SOX30: variants seen among roughly 807,000 people sequenced by gnomAD.
SOX30 encodes the protein transcription factor SOX-30.
SOX30 carries 17 observed loss-of-function variants against 58.6 expected under a neutral mutation model. That is an observed-to-expected ratio of 0.29 (90% confidence interval 0.20 to 0.44). The LOEUF (loss-of-function observed/expected upper bound fraction) is 0.44. Among genes scored for constraint, SOX30 ranks in the 20% least tolerant of loss-of-function variants. SOX30 has a pLI of 1.00. For synonymous variants in SOX30, 421 were observed against 400.2 expected, an observed-to-expected ratio of 1.05 and a Z score of -0.62; for missense variants, 951 against 965.8, an observed-to-expected ratio of 0.98 and a Z score of 0.20.
At chr5:157,649,523 C>A (rs1041124694) in intron 1 of SOX30, among the ~76,000 whole-genome samples, 1 of 152,188 alleles carries the variant, frequency 6.6e-6, no homozygotes, top group African/African-American at 2.4e-5. Context: ...GGTACGGTGG[C>A]TCACGCCTGT....
Position 157,626,482 on chromosome 5 carries a change from T to G in SOX30, c.2120A>C (p.Asn707Thr), listed in dbSNP as rs780305936. The G allele has an allele frequency of 2.5e-6, 4 of 1,614,060 alleles. No homozygotes were observed. In the South Asian group the frequency reaches 3.3e-5, roughly 13 times the overall value. ...YNSHSHSGEENLNPVPQLDIG... is the reference protein window; with the variant it reads ...YNSHSHSGEETLNPVPQLDIG... ...GTCCAGCTGAGGCACAGGGTTTAAG[T>G]TTTCTTCCCCACTGTGGCTATGACT... Residue 707 changes from asparagine (N) to threonine (T), a missense_variant, in exon 5 of 5, where the codon AAC becomes ACC. Physicochemically the swap from Asn to Thr is moderately conservative, Grantham distance 65. Transcript: ENST00000265007.
At chr5:157,634,637 T>C (rs918129395) in intron 4 of SOX30, among the ~76,000 whole-genome samples, 2 of 152,102 alleles carry the variant, frequency 1.3e-5, no homozygotes, top group Non-Finnish European at 2.9e-5. Flanking sequence ...AAATTCCACA[T>C]ATAAATAACT....
At chr5:157,647,161 A>G (rs1759213968) in intron 2 of SOX30, among the ~76,000 whole-genome samples, 1 of 150,924 alleles carries the variant, frequency 6.6e-6, no homozygotes. Flanking sequence ...TCCCAGGTTC[A>G]TGTGATTCTC....
chr5:157,656,013 G>A (rs1759467493), upstream of SOX30, among the ~76,000 whole-genome samples: 1 of 152,196 alleles, frequency 6.6e-6, no homozygotes, highest in South Asian at 2.1e-4. Flanking sequence ...AAAACTGGAT[G>A]AGGTTTCCCT....
Position 157,626,037 on chromosome 5 carries a change from T to TA in SOX30, c.*302dup, listed in dbSNP as rs1251545776. ...GATTTATTTCCCCTTTCCCCTCACA[T>TA]ACAACTGTGAGGCTTCAGTATTTTG... On this transcript the variant is annotated 3_prime_UTR_variant, in exon 5 of 5. Transcript: ENST00000265007. 7 of 224,132 alleles carry TA rather than the reference T, an allele frequency of 3.1e-5. No homozygotes were observed. Among genetic ancestry groups the TA allele is most frequent in the Non-Finnish European group, 6.0e-5 (7 of 115,740 alleles). The allele number at this position is 224,132 out of a possible 1,614,324, so 13.9% of individuals were successfully genotyped here.
At chr5:157,628,599 G>A (rs116803501) in intron 4 of SOX30, among the ~76,000 whole-genome samples, 2,595 of 151,548 alleles carry the variant, frequency 0.017, 26 homozygotes, top group Non-Finnish European at 0.029. Flanking sequence ...CTCTTAGTTC[G>A]GGCATTTTAA....
chr5:157,634,103 G>A lies in SOX30; in HGVS notation c.1880+4127C>T, dbSNP rs1423524831. 2.6e-5 allele frequency among the ~76,000 whole-genome samples: 4 copies of A among 152,222 alleles called. No homozygotes were observed. In the East Asian group the frequency reaches 7.7e-4, roughly 29 times the overall value. ...ATGTTAGCCCCAGAGAGGGGGAGCA[G>A]CACTTCTGAGTGTCCATCTGTTTTG... On this transcript the variant is annotated intron_variant, in intron 4 of 4. Coordinates refer to ENST00000265007, the MANE Select transcript of SOX30 (RefSeq NM_178424.2).
intron 4 of SOX30, among the ~76,000 whole-genome samples, chr5:157,636,836 G>T: frequency 6.6e-6 from 1 of 152,054 alleles, no homozygotes; most frequent in Admixed American, 6.6e-5. Flanking sequence ...TAATTGAAAA[G>T]TAAAGGCTAG....
chr5:157,657,168 G>A (rs879179329), upstream of SOX30, among the ~76,000 whole-genome samples: 9 of 152,252 alleles, frequency 5.9e-5, no homozygotes, highest in Admixed American at 5.2e-4. Context: ...GTAAAATGGT[G>A]TTTGGATTTT....
intron 4 of SOX30, among the ~76,000 whole-genome samples, chr5:157,630,592 T>C (rs1430113692): frequency 6.6e-6 from 1 of 151,956 alleles, no homozygotes; most frequent in African/African-American, 2.4e-5. Context: ...GAGATTTCCT[T>C]AAAAACCTAG....
intron 3 of SOX30, among the ~76,000 whole-genome samples, chr5:157,643,380 A>G (rs1324092849): frequency 6.6e-6 from 1 of 152,180 alleles, no homozygotes; most frequent in African/African-American, 2.4e-5. Flanking sequence ...AGGTCGCGCC[A>G]CTGCACTCCA....
intron 4 of SOX30, among the ~76,000 whole-genome samples, chr5:157,632,230 G>A (rs755644472): frequency 2.1e-4 from 32 of 152,108 alleles, no homozygotes; most frequent in Middle Eastern, 6.8e-3. Context: ...GCCAGATATT[G>A]TTTTCTCTGA....
In SOX30 at chr5:157,646,786, C is replaced by T. The variant is rs1759203504; in HGVS notation, c.1238G>A (p.Arg413Gln). 2 of 1,614,004 alleles carry T rather than the reference C, an allele frequency of 1.2e-6. No individual in the cohort carries two copies. The highest frequency in any genetic ancestry group is 1.7e-6 in the Non-Finnish European group (2 of 1,179,948). The change falls in exon 3 of 5, where the codon CGA (arginine) becomes CAA (glutamine). Residue 413 changes from arginine (R) to glutamine (Q), a missense_variant. This residue lies in a region of SOX30 where 57 missense variants were observed against 104.0 expected (regional missense o/e 0.55). Coordinates refer to ENST00000265007, the MANE Select transcript of SOX30 (RefSeq NM_178424.2). ...GGAAACACTTAGAGGGAATCGTTTTCGCTTCCCTGGACGAGGCTGATAAAC... is the reference window on the plus strand; with the variant it reads ...GGAAACACTTAGAGGGAATCGTTTTTGCTTCCCTGGACGAGGCTGATAAAC... Reference protein sequence around the residue: ...GWVYQPRPGKRKRFPLSVSNV... With the variant: ...GWVYQPRPGKQKRFPLSVSNV...
chr5:157,627,190 C>G (rs560587730), intron 4 of SOX30, among the ~76,000 whole-genome samples: 3 of 152,070 alleles, frequency 2.0e-5, no homozygotes, highest in Non-Finnish European at 4.4e-5. Flanking sequence ...AGTGAAACCC[C>G]ATCTCTACTA....
intron 3 of SOX30, among the ~76,000 whole-genome samples, chr5:157,642,091 A>T (rs906289917): frequency 1.3e-5 from 2 of 152,084 alleles, no homozygotes; most frequent in African/African-American, 4.8e-5. Context: ...TGAGACGGGC[A>T]GATTACTTGA....
In SOX30 at chr5:157,651,965, C is replaced by A; in HGVS notation, c.114G>T (p.Pro38=). The A allele has an allele frequency of 6.8e-7, 1 of 1,462,746 alleles. No individual in the cohort carries two copies. The highest frequency in any genetic ancestry group is 1.4e-5 in the South Asian group (1 of 71,430). 90.6% of individuals were successfully genotyped at this position (1,462,746 alleles called of 1,614,324 possible). A position where few individuals can be genotyped will look rare whatever the true frequency, so the allele number is the denominator to read the frequency against. The change falls in exon 1 of 5, where the codon CCG becomes CCT. Residue 38 remains proline, a synonymous_variant. Transcript: ENST00000265007. The part of the protein sequence containing the change: ...SFWAAAMEPP[P]SSPTLSAAAS... ...CTGCCGCGCTCAGTGTGGGAGACGA[C>A]GGAGGGGGCTCCATGGCTGCTGCCC...
At chr5:157,661,648 T>C (rs565566794) in intron 2 of SOX30, among the ~76,000 whole-genome samples, 1 of 152,338 alleles carries the variant, frequency 6.6e-6, no homozygotes, top group South Asian at 2.1e-4. Flanking sequence ...CACTGATTTA[T>C]TCTATTAATA....
At position 157,658,240 on chromosome 5, in the gene SOX30, A is replaced by G. The variant is rs572058099; in HGVS notation, c.53-9344T>C. 6.6e-5 allele frequency among the ~76,000 whole-genome samples: 10 copies of G among 152,380 alleles called. No homozygotes were observed. In the East Asian group the frequency reaches 1.9e-3, roughly 29 times the overall value. The stretch of plus-strand genomic sequence containing the variant: ...AATTATTCTCATTGCACTTTATACA[A>G]CTAATCAGGCCAATTATAGTAAAGC... On this transcript the variant is annotated intron_variant, in intron 2 of 5. Transcript: ENST00000519442.
chr5:157,630,973 A>AT (rs938510593), intron 4 of SOX30, among the ~76,000 whole-genome samples: 26 of 134,028 alleles, frequency 1.9e-4, no homozygotes, highest in African/African-American at 4.2e-4. Flanking sequence ...TACACTATAT[A>AT]TTTTTATATA....
Sources: gnomAD v4.1 joint callset for allele counts (sites outside exome capture counted in the v4.1 genomes callset) on GRCh38, gnomAD v4.1.1 for gene constraint, gnomAD v4.1.1 regional missense constraint, MANE v1.5 for transcripts, NCBI Gene and HGNC (gene_info 2026-07-23, HGNC 2026-07-21) for gene names.